Variants in LAMA2 observed in about 807,000 individuals in gnomAD.
LAMA2 encodes the protein laminin subunit alpha-2.
Under a neutral mutation model 364.8 loss-of-function variants are expected in LAMA2, and 269 were observed. The observed-to-expected ratio is 0.74, with a 90% CI of 0.67 to 0.82. The LOEUF is 0.82. Among genes scored for constraint, LAMA2 ranks in the 40% least tolerant of loss-of-function variants. The probability of loss-of-function intolerance (pLI) is 0.00; values close to 1 mark genes in which losing one functional copy is unlikely to be tolerated. For synonymous variants in LAMA2, 1,379 were observed against 1,370.6 expected, an observed-to-expected ratio of 1.01 and a Z score of -0.14; for missense variants, 3,807 against 3,873.2, an observed-to-expected ratio of 0.98 and a Z score of 0.45.
intron 1 of LAMA2, chr6:128,929,942 A>T: frequency 1.4e-6 from 1 of 729,654 alleles, no homozygotes; most frequent in Non-Finnish European, 2.4e-6. Flanking sequence ...CCACAGCCCC[A>T]CCTGGACCCA....
chr6:129,304,024 A>G (rs1773709772), intron 22 of LAMA2, among the ~76,000 whole-genome samples: 1 of 152,158 alleles, frequency 6.6e-6, no homozygotes, highest in Non-Finnish European at 1.5e-5. Flanking sequence ...ACTATTTGAA[A>G]AGATCAGTAA....
chr6:128,929,025 T>A, intron 1 of LAMA2: 2 of 1,416,592 alleles, frequency 1.4e-6, no homozygotes, highest in Non-Finnish European at 1.0e-6. Context: ...ATATATGCAT[T>A]CAAGAAGCCA....
intron 1 of LAMA2, among the ~76,000 whole-genome samples, chr6:128,942,493 ATTTAC>A (rs1310858091): frequency 2.0e-5 from 3 of 152,160 alleles, no homozygotes; most frequent in African/African-American, 7.2e-5. Context: ...TGTCCTTTTT[ATTTAC>A]TTTTTAAAAA....
chr6:129,167,470 G>A (rs1779831653), intron 9 of LAMA2, among the ~76,000 whole-genome samples: 1 of 151,926 alleles, frequency 6.6e-6, no homozygotes, highest in African/African-American at 2.4e-5. Context: ...TTTCATCCAT[G>A]TCCCTACAAA....
intron 1 of LAMA2, among the ~76,000 whole-genome samples, chr6:128,971,846 AG>A (rs1220624178): frequency 4.6e-5 from 7 of 152,136 alleles, no homozygotes; most frequent in Admixed American, 3.9e-4. Flanking sequence ...TACAAGTCCA[AG>A]GGGCAGGGGG....
intron 34 of LAMA2, among the ~76,000 whole-genome samples, chr6:129,377,103 A>T (rs541637281): frequency 1.3e-5 from 2 of 152,106 alleles, no homozygotes; most frequent in Admixed American, 1.3e-4. Flanking sequence ...ATTGTTGAAT[A>T]TTTTGTTTTC....
At chr6:129,448,149 A>C (rs1782485148) in intron 45 of LAMA2, among the ~76,000 whole-genome samples, 1 of 152,058 alleles carries the variant, frequency 6.6e-6, no homozygotes, top group Non-Finnish European at 1.5e-5. Context: ...TTACCTGGGC[A>C]TGGTACATGC....
chr6:129,456,407 C>A lies in LAMA2; in HGVS notation c.6780C>A (p.His2260Gln). ...GPKASIVPSTHHSTSPPGYTI... is the reference protein window; with the variant it reads ...GPKASIVPSTQHSTSPPGYTI... ...AAGCCAGCATTGTGCCCAGCACACA[C>A]CATTCGACGTCTCCTCCAGGGTACA... Residue 2260 changes from histidine (H) to glutamine (Q), a missense_variant, in exon 48 of 65, where the codon CAC becomes CAA. Physicochemically the swap from His to Gln is conservative, Grantham distance 24 (BLOSUM62 0). This residue lies in a region of LAMA2 where 3,333 missense variants were observed against 3,345.7 expected (regional missense o/e 1.00). Coordinates refer to ENST00000421865, the MANE Select transcript of LAMA2 (RefSeq NM_000426.4). 1 of 1,613,334 alleles carries A rather than the reference C, an allele frequency of 6.2e-7. No homozygotes were observed. The highest frequency in any genetic ancestry group is 1.3e-5 in the African/African-American group (1 of 74,984).
At chr6:129,117,231 A>G (rs1015718601) in intron 4 of LAMA2, among the ~76,000 whole-genome samples, 1 of 152,186 alleles carries the variant, frequency 6.6e-6, no homozygotes, top group Non-Finnish European at 1.5e-5. Context: ...AGGATGTCAG[A>G]TAGAAAAAAG....
In LAMA2 at chr6:129,244,727, G is replaced by A. The variant is rs554250615; in HGVS notation, c.1783-5385G>A. 4.2e-3 allele frequency among the ~76,000 whole-genome samples: 623 copies of A among 149,830 alleles called. 5 individuals are homozygous for A. The highest frequency in any genetic ancestry group is 0.017 in the Middle Eastern group (5 of 290). ...ATTCATATTTCTTGAGATTGAGAGG[G>A]AAAAAAAAAGAGGCCAGACCACAAG... On this transcript the variant is annotated intron_variant, in intron 12 of 64. Coordinates refer to ENST00000421865, the MANE Select transcript of LAMA2 (RefSeq NM_000426.4).
chr6:129,291,678 G>A lies in LAMA2; in HGVS notation c.2814G>A (p.Glu938=). The part of the protein sequence containing the change: ...EVCHSQTGQC[E]CRANVQGQRC... ...GCCACAGTCAAACTGGACAGTGTGA[G>A]TGCAGAGCCAACGTTCAGGGTCAGA... The change falls in exon 20 of 65, where the codon GAG becomes GAA. Residue 938 remains glutamate, a synonymous_variant. Transcript: ENST00000421865. The A allele has an allele frequency of 6.2e-7, 1 of 1,614,080 alleles. No homozygotes were observed. The highest frequency in any genetic ancestry group is 8.5e-7 in the Non-Finnish European group (1 of 1,179,942).
chr6:129,433,043 A>C (rs1562559357), intron 41 of LAMA2, among the ~76,000 whole-genome samples: 6 of 152,158 alleles, frequency 3.9e-5, no homozygotes, highest in Non-Finnish European at 8.8e-5. Flanking sequence ...ATATGTGGTC[A>C]CTCTAGTATG....
At position 129,021,681 on chromosome 6, in the gene LAMA2, A is replaced by C. The variant is rs539656393; in HGVS notation, c.113-28237A>C. On this transcript the variant is annotated intron_variant, in intron 1 of 64. Coordinates refer to ENST00000421865, the MANE Select transcript of LAMA2 (RefSeq NM_000426.4). ...AGAGGTGCTATTATCCCAGGAGGAGACTGTAAGTGACGTTTGTGTAATTCA... is the reference window on the plus strand; with the variant it reads ...AGAGGTGCTATTATCCCAGGAGGAGCCTGTAAGTGACGTTTGTGTAATTCA... 4.7e-4 allele frequency among the ~76,000 whole-genome samples: 71 copies of C among 152,282 alleles called. 1 individual carries two copies. Among genetic ancestry groups the C allele is most frequent in the Admixed American group, 4.2e-3 (64 of 15,284 alleles).
intron 20 of LAMA2, chr6:129,293,084 G>T (rs769293947): frequency 2.8e-5 from 28 of 985,660 alleles, no homozygotes; most frequent in Non-Finnish European, 3.0e-5. Context: ...CAGAGGCGCT[G>T]CATGGCTCAT....
chr6:128,885,855 T>C (rs1776123581), intron 1 of LAMA2, among the ~76,000 whole-genome samples: 1 of 152,188 alleles, frequency 6.6e-6, no homozygotes. Flanking sequence ...TCAGCAAGAA[T>C]GATATTCCAA....
chr6:129,020,102 G>GAAAAAAAAAAA (rs57907508), intron 1 of LAMA2, among the ~76,000 whole-genome samples: 61 of 134,128 alleles, frequency 4.5e-4, no homozygotes, highest in African/African-American at 1.6e-3. Context: ...GAAAAAAAAA[G>GAAAAAAAAAAA]AAAAAAAAAA....
chr6:129,127,596 T>G (rs1777189348), intron 4 of LAMA2, among the ~76,000 whole-genome samples: 1 of 152,226 alleles, frequency 6.6e-6, no homozygotes, highest in Non-Finnish European at 1.5e-5. Context: ...GAAAACTCCA[T>G]GTAGTTTTCC....
At chr6:129,323,654 G>C (rs1470708644) in intron 28 of LAMA2, among the ~76,000 whole-genome samples, 2 of 152,048 alleles carry the variant, frequency 1.3e-5, no homozygotes, top group African/African-American at 4.8e-5. Context: ...ATTAAATATA[G>C]GTTATTGCCC....
intron 54 of LAMA2, among the ~76,000 whole-genome samples, chr6:129,481,028 A>T (rs1784319692): frequency 6.6e-6 from 1 of 152,188 alleles, no homozygotes; most frequent in Non-Finnish European, 1.5e-5. Context: ...TCTAGAATAA[A>T]AGTAGAGGCT....
Sources: gnomAD v4.1 joint callset for allele counts (sites outside exome capture counted in the v4.1 genomes callset) on GRCh38, gnomAD v4.1.1 for gene constraint, gnomAD v4.1.1 regional missense constraint, MANE v1.5 for transcripts, NCBI Gene and HGNC (gene_info 2026-07-23, HGNC 2026-07-21) for gene names.